Variants in HCN1 observed in about 807,000 individuals in gnomAD.
The protein encoded by HCN1 is hyperpolarization activated cyclic nucleotide gated potassium channel 1.
In HCN1, 13 loss-of-function variants were observed where a neutral mutation model predicts 78.9. The ratio of observed to expected loss-of-function variants is 0.16; its 90% CI spans 0.11 to 0.26. The LOEUF (loss-of-function observed/expected upper bound fraction) is 0.26. HCN1 is among the 10% of genes least tolerant of loss of function. The probability of loss-of-function intolerance (pLI) is 1.00; values close to 1 mark genes in which losing one functional copy is unlikely to be tolerated. For synonymous variants in HCN1, 552 were observed against 455.5 expected, an observed-to-expected ratio of 1.21 and a Z score of -2.70; for missense variants, 810 against 1,154.3, an observed-to-expected ratio of 0.70 and a Z score of 4.32.
At chr5:45,585,992 A>T (rs895558520) in intron 2 of HCN1, among the ~76,000 whole-genome samples, 1 of 152,204 alleles carries the variant, frequency 6.6e-6, no homozygotes, top group African/African-American at 2.4e-5. Context: ...TTGAGGAGGC[A>T]GGCTGTCTGT....
intron 2 of HCN1, among the ~76,000 whole-genome samples, chr5:45,485,558 G>A (rs542698005): frequency 1.9e-4 from 29 of 152,106 alleles, no homozygotes; most frequent in African/African-American, 6.3e-4. Context: ...CAACACTTAC[G>A]CAGAAGGGAA....
intron 2 of HCN1, among the ~76,000 whole-genome samples, chr5:45,493,972 T>G (rs1741960920): frequency 6.6e-6 from 1 of 152,352 alleles, no homozygotes; most frequent in South Asian, 2.1e-4. Flanking sequence ...GGTGTATATG[T>G]TTCACATTTT....
intron 2 of HCN1, among the ~76,000 whole-genome samples, chr5:45,601,662 G>A (rs1316257501): frequency 2.6e-5 from 4 of 152,078 alleles, no homozygotes; most frequent in African/African-American, 9.7e-5. Context: ...CTGAGCTCCA[G>A]TTATTCATGA....
intron 6 of HCN1, among the ~76,000 whole-genome samples, chr5:45,291,502 C>T (rs1052567220): frequency 6.6e-6 from 1 of 151,976 alleles, no homozygotes; most frequent in Non-Finnish European, 1.5e-5. Flanking sequence ...ATGCTGATAA[C>T]GTTTCTCCCT....
At chr5:45,645,668 A>C in intron 1 of HCN1, 60 bp from the exon 2 acceptor site, 1 of 1,031,426 alleles carries the variant, frequency 9.7e-7, no homozygotes, top group Non-Finnish European at 1.4e-6. Flanking sequence ...TATCCCCCCC[A>C]TGAAAAATTA....
At chr5:45,369,218 C>T (rs953036157) in intron 4 of HCN1, among the ~76,000 whole-genome samples, 1 of 151,296 alleles carries the variant, frequency 6.6e-6, no homozygotes, top group African/African-American at 2.4e-5. Flanking sequence ...AATGTATTTA[C>T]CTGTTCACTT....
chr5:45,594,929 T>G (rs1403068729), intron 2 of HCN1, among the ~76,000 whole-genome samples: 2 of 152,180 alleles, frequency 1.3e-5, no homozygotes, highest in Non-Finnish European at 2.9e-5. Context: ...TGTGGAGTGT[T>G]TGAGTTAAAA....
chr5:45,690,764 T>C (rs1739895300), intron 1 of HCN1, among the ~76,000 whole-genome samples: 1 of 152,026 alleles, frequency 6.6e-6, no homozygotes, highest in Admixed American at 6.5e-5. Flanking sequence ...TGTTACTCCT[T>C]TACACAAAAT....
intron 6 of HCN1, among the ~76,000 whole-genome samples, chr5:45,286,273 A>G (rs935440845): frequency 6.6e-6 from 1 of 151,992 alleles, no homozygotes; most frequent in African/African-American, 2.4e-5. Flanking sequence ...TCTCCAAGTT[A>G]TAATAGTACA....
chr5:45,530,258 A>G (rs896148963), intron 2 of HCN1, among the ~76,000 whole-genome samples: 1 of 151,994 alleles, frequency 6.6e-6, no homozygotes, highest in Non-Finnish European at 1.5e-5. Flanking sequence ...CACTTTATAA[A>G]TCATACAGCA....
At chr5:45,488,950 T>C (rs1415582976) in intron 2 of HCN1, among the ~76,000 whole-genome samples, 1 of 152,160 alleles carries the variant, frequency 6.6e-6, no homozygotes, top group African/African-American at 2.4e-5. Flanking sequence ...AAAGCCTTGA[T>C]TTTACAATTC....
intron 2 of HCN1, among the ~76,000 whole-genome samples, chr5:45,534,038 T>C (rs776465522): frequency 3.3e-5 from 5 of 152,150 alleles, no homozygotes; most frequent in Admixed American, 1.3e-4. Context: ...AATCCTGTTC[T>C]ACTGAGCATA....
At chr5:45,628,432 A>C (rs1236960156) in intron 2 of HCN1, among the ~76,000 whole-genome samples, 1 of 152,192 alleles carries the variant, frequency 6.6e-6, no homozygotes, top group Non-Finnish European at 1.5e-5. Flanking sequence ...ATCACAAAGG[A>C]AAAGATAGAA....
rs1744604249 is a variant in HCN1 at position 45,256,015 on chromosome 5, T to C, written c.*5906A>G. On this transcript the variant is annotated 3_prime_UTR_variant, in exon 8 of 8. Coordinates refer to ENST00000303230, the MANE Select transcript of HCN1 (RefSeq NM_021072.4). Reference sequence around the variant, plus strand: ...ATATTTACTAATTTATTCAGATTTCTTCAATTGAATGAATCAATAGTATTC... The same window carrying C: ...ATATTTACTAATTTATTCAGATTTCCTCAATTGAATGAATCAATAGTATTC... The C allele has an allele frequency of 6.6e-6, 1 of 152,346 alleles. No homozygotes were observed. Among genetic ancestry groups the C allele is most frequent in the South Asian group, 2.1e-4 (1 of 4,834 alleles). 9.4% of individuals were successfully genotyped at this position (152,346 alleles called of 1,614,324 possible). A position where few individuals can be genotyped will look rare whatever the true frequency, so the allele number is the denominator to read the frequency against.
chr5:45,633,051 C>T (rs983202567), intron 2 of HCN1, among the ~76,000 whole-genome samples: 2 of 151,880 alleles, frequency 1.3e-5, no homozygotes, highest in Admixed American at 6.6e-5. Context: ...CCTACAAGGG[C>T]ATCCATACTA....
At chr5:45,432,347 T>C (rs893605905) in intron 3 of HCN1, among the ~76,000 whole-genome samples, 2 of 152,136 alleles carry the variant, frequency 1.3e-5, no homozygotes, top group African/African-American at 4.8e-5. Flanking sequence ...GTCTATGGGG[T>C]TCTCTAGGTA....
intron 1 of HCN1, among the ~76,000 whole-genome samples, chr5:45,694,413 TTGTG>T (rs1245600020): frequency 2.6e-5 from 4 of 152,148 alleles, no homozygotes; most frequent in African/African-American, 7.2e-5. Context: ...CTCTGAGCCT[TTGTG>T]TGGCGGGACT....
intron 5 of HCN1, among the ~76,000 whole-genome samples, chr5:45,328,814 T>C (rs1266367764): frequency 1.3e-5 from 2 of 151,662 alleles, no homozygotes; most frequent in Non-Finnish European, 3.0e-5. Context: ...GCTCTGAAAG[T>C]GAACTGTGGC....
intron 4 of HCN1, among the ~76,000 whole-genome samples, chr5:45,378,168 T>C (rs1195782514): frequency 6.6e-6 from 1 of 151,882 alleles, no homozygotes; most frequent in Non-Finnish European, 1.5e-5. Flanking sequence ...TTTCCACATA[T>C]TTTATACCTA....
Sources: gnomAD v4.1 joint callset for allele counts (sites outside exome capture counted in the v4.1 genomes callset) on GRCh38, gnomAD v4.1.1 for gene constraint, MANE v1.5 for transcripts, NCBI Gene and HGNC (gene_info 2026-07-23, HGNC 2026-07-21) for gene names.